Variants in CLCC1 observed in about 807,000 individuals in gnomAD.
The protein encoded by CLCC1 is chloride channel CLIC-like protein 1.
A neutral mutation model predicts 63.3 loss-of-function variants in CLCC1; 39 were observed. The observed-to-expected ratio is 0.62, with a 90% CI of 0.48 to 0.81. The LOEUF is 0.81. CLCC1 is among the 30% of genes least tolerant of loss of function. CLCC1 has a pLI of 0.00. For missense variants in CLCC1, 549 were observed against 669.4 expected, an observed-to-expected ratio of 0.82 and a Z score of 1.98; for synonymous variants, 217 against 239.8, an observed-to-expected ratio of 0.90 and a Z score of 0.88.
At chr1:108,934,533 G>T in intron 12 of CLCC1, 92 bp downstream of exon 12, 2 of 957,914 alleles carry the variant, frequency 2.1e-6, no homozygotes, top group Non-Finnish European at 3.0e-6. Context: ...AAATGTGAAT[G>T]TTGAAGTTGA....
At chr1:108,955,800 C>T (rs1426987071) in intron 2 of CLCC1, among the ~76,000 whole-genome samples, 4 of 151,554 alleles carry the variant, frequency 2.6e-5, no homozygotes, top group Non-Finnish European at 5.9e-5. Flanking sequence ...CATCAGAACT[C>T]CAGGCTCTCC....
intron 11 of CLCC1, among the ~76,000 whole-genome samples, chr1:108,936,085 GTTTTTTTTT>G (rs530980387): frequency 1.1e-5 from 1 of 88,108 alleles, no homozygotes; most frequent in South Asian, 4.5e-4. Context: ...ATCTTAAGTT[GTTTTTTTTT>G]TTTTTTTTTT....
chr1:108,944,879 A>T (rs1478490289), intron 5 of CLCC1, among the ~76,000 whole-genome samples: 7 of 152,094 alleles, frequency 4.6e-5, no homozygotes, highest in Admixed American at 6.5e-5. Flanking sequence ...TCCGCCCGCC[A>T]TGGCCTCCCA....
chr1:108,953,858 A>G lies in CLCC1; in HGVS notation c.-11-3410T>C, dbSNP rs558888746. Among the ~76,000 whole-genome samples, 9 of 151,802 alleles carry G rather than the reference A, an allele frequency of 5.9e-5. 1 individual carries two copies. In the South Asian group the frequency reaches 1.9e-3, roughly 31 times the overall value. On this transcript the variant is annotated intron_variant, in intron 2 of 12. Transcript: ENST00000369969. ...AAACCCCATCTCTACTAAAAATACA[A>G]AATTAGCTGGGTATGGTGGTGCATG...
chr1:108,945,109 T>C (rs34880940), intron 5 of CLCC1, among the ~76,000 whole-genome samples: 10,720 of 152,304 alleles, frequency 0.07, 510 homozygotes, highest in Non-Finnish European at 0.099. Context: ...GGACACCTTA[T>C]TTAAAATACA....
intron 5 of CLCC1, among the ~76,000 whole-genome samples, chr1:108,945,809 A>G (rs996710039): frequency 3.9e-5 from 6 of 152,230 alleles, no homozygotes; most frequent in African/African-American, 1.4e-4. Flanking sequence ...CAAAATCACT[A>G]AACAAATTTT....
chr1:108,962,349 C>T lies in CLCC1; in HGVS notation c.-52G>A, dbSNP rs1158896576. ...CAAATCCTGTTTTAGACTAGAAGTACCAGGGTATAAGTCGGGAGGCTGCAA... is the reference window on the plus strand; with the variant it reads ...CAAATCCTGTTTTAGACTAGAAGTATCAGGGTATAAGTCGGGAGGCTGCAA... On this transcript the variant is annotated 5_prime_UTR_variant, in exon 2 of 13. Coordinates refer to ENST00000369969, the MANE Select transcript of CLCC1 (RefSeq NM_001377458.1). 8 of 152,172 alleles carry T rather than the reference C, an allele frequency of 5.3e-5. No individual in the cohort carries two copies. In the East Asian group the frequency reaches 1.5e-3, roughly 29 times the overall value. 9.4% of individuals were successfully genotyped at this position (152,172 alleles called of 1,614,324 possible).
chr1:108,946,140 C>T (rs1571044337), intron 5 of CLCC1, among the ~76,000 whole-genome samples: 1 of 152,154 alleles, frequency 6.6e-6, no homozygotes, highest in Non-Finnish European at 1.5e-5. Flanking sequence ...GAAACCCTGT[C>T]TCTACTGAAA....
In CLCC1 at chr1:108,932,310, C is replaced by CTTAAT. The variant is rs1435504337; in HGVS notation, c.*232_*236dup. The stretch of plus-strand genomic sequence containing the variant: ...TTCAAAAAAGCTTCACAATATAAAC[C>CTTAAT]TTAATTTTAATGACATATTGGCTAG... On this transcript the variant is annotated 3_prime_UTR_variant, in exon 13 of 13. Transcript: ENST00000369969. The CTTAAT allele has an allele frequency of 1.3e-5, 2 of 152,156 alleles. No individual in the cohort carries two copies. The highest frequency in any genetic ancestry group is 4.8e-5 in the African/African-American group (2 of 41,530). 9.4% of individuals were successfully genotyped at this position (152,156 alleles called of 1,614,324 possible). A position where few individuals can be genotyped will look rare whatever the true frequency, so the allele number is the denominator to read the frequency against.
chr1:108,939,852 T>G, intron 9 of CLCC1, 70 bp from the exon 10 acceptor site: 2 of 1,472,588 alleles, frequency 1.4e-6, no homozygotes, highest in Non-Finnish European at 1.9e-6. Context: ...CAAAATTCAT[T>G]GAGTACTGAT....
chr1:108,959,046 T>A (rs1330675596), intron 2 of CLCC1, among the ~76,000 whole-genome samples: 1 of 147,602 alleles, frequency 6.8e-6, no homozygotes, highest in Admixed American at 6.7e-5. Context: ...TGGTGGCACA[T>A]GCCTGTAATC....
Position 108,944,024 on chromosome 1 carries a change from C to A in CLCC1, c.373G>T (p.Ala125Ser). ...DENKGDMHYDAEIILKRETLL... is the reference protein window; with the variant it reads ...DENKGDMHYDSEIILKRETLL... The stretch of plus-strand genomic sequence containing the variant: ...GTTTCTCTTTTAAGGATAATCTCAG[C>A]ATCATAATGCATATCGCCTTTGTTT... Residue 125 changes from alanine to serine, a missense_variant, in exon 6 of 13, where the codon GCT (alanine) becomes TCT (serine). Physicochemically the swap from Ala to Ser is moderately conservative, Grantham distance 99 (BLOSUM62 1). Transcript: ENST00000369969. 6.2e-7 allele frequency: 1 copy of A among 1,608,720 alleles called. No individual in the cohort carries two copies. Among genetic ancestry groups the A allele is most frequent in the African/African-American group, 1.3e-5 (1 of 74,650 alleles).
At chr1:108,934,567 C>G in intron 12 of CLCC1, 58 bp downstream of exon 12, 1 of 1,388,768 alleles carries the variant, frequency 7.2e-7, no homozygotes, top group Non-Finnish European at 9.7e-7. Flanking sequence ...AAGTTGGCAC[C>G]TTTGTAGTAA....
chr1:108,953,741 T>C (rs1197319304), intron 2 of CLCC1, among the ~76,000 whole-genome samples: 3 of 152,226 alleles, frequency 2.0e-5, no homozygotes, highest in Non-Finnish European at 4.4e-5. Context: ...CCAGGTGCAG[T>C]AGCTCACGCC....
intron 2 of CLCC1, among the ~76,000 whole-genome samples, chr1:108,952,519 C>A (rs1049272553): frequency 5.7e-5 from 5 of 87,426 alleles, no homozygotes; most frequent in African/African-American, 9.9e-5. Context: ...TGGGAAACTG[C>A]CAGGTGCAGT....
chr1:108,958,457 C>A (rs574343618), intron 2 of CLCC1, among the ~76,000 whole-genome samples: 12 of 151,540 alleles, frequency 7.9e-5, no homozygotes, highest in African/African-American at 2.7e-4. Flanking sequence ...TATCTCAGTG[C>A]GTGTGTTCAA....
chr1:108,947,778 T>C, intron 4 of CLCC1, 60 bp from the exon 5 acceptor site: 1 of 1,156,116 alleles, frequency 8.6e-7, no homozygotes, highest in Non-Finnish European at 1.3e-6. Flanking sequence ...AAGGGTTAAG[T>C]TTCTAGCCTA....
In CLCC1 at chr1:108,934,737, G is replaced by A. The variant is rs757401068; in HGVS notation, c.1589C>T (p.Thr530Ile). ...AGCCACACCTCTTGCGGGGCTGTAT[G>A]TGCTGCCTTGGTCTGGGCTGCCTGC... ...EAAGSPDQGS[T>I]YSPARGVAGP... Residue 530 changes from threonine (T) to isoleucine (I), a missense_variant, in exon 12 of 13, where the codon ACA becomes ATA. Physicochemically the swap from Thr to Ile is moderately conservative, Grantham distance 89. Coordinates refer to ENST00000369969, the MANE Select transcript of CLCC1 (RefSeq NM_001377458.1). 6.2e-7 allele frequency: 1 copy of A among 1,614,228 alleles called. No homozygotes were observed. Among genetic ancestry groups the A allele is most frequent in the Non-Finnish European group, 8.5e-7 (1 of 1,180,052 alleles).
chr1:108,954,010 C>CAAAAA (rs11463360), intron 2 of CLCC1, among the ~76,000 whole-genome samples: 1 of 98,034 alleles, frequency 1.0e-5, no homozygotes, highest in Non-Finnish European at 2.0e-5. Context: ...AACTCCGTCT[C>CAAAAA]AAAAAAAAAA....
Sources: gnomAD v4.1 joint callset for allele counts (sites outside exome capture counted in the v4.1 genomes callset) on GRCh38, gnomAD v4.1.1 for gene constraint, MANE v1.5 for transcripts, NCBI Gene and HGNC (gene_info 2026-07-23, HGNC 2026-07-21) for gene names.